The following CDH2 variants were observed in gnomAD, a reference collection of about 807,000 sequenced individuals.
CDH2 encodes cadherin-2.
A neutral mutation model predicts 92.0 loss-of-function variants in CDH2; 17 were observed. The ratio of observed to expected loss-of-function variants is 0.18; its 90% CI spans 0.13 to 0.28. The LOEUF (loss-of-function observed/expected upper bound fraction) is 0.28. Ranked by LOEUF, CDH2 falls within the 10% of genes least tolerant of loss-of-function variation. The probability of loss-of-function intolerance (pLI) is 1.00; values close to 1 mark genes in which losing one functional copy is unlikely to be tolerated. For synonymous variants in CDH2, 419 were observed against 415.9 expected (o/e 1.01, Z -0.09); for missense variants, 862 against 1,133.1 (o/e 0.76, Z 3.44).
intron 2 of CDH2, among the ~76,000 whole-genome samples, chr18:28,129,346 T>C (rs1026546105): frequency 1.3e-5 from 2 of 152,224 alleles, no homozygotes; most frequent in Non-Finnish European, 2.9e-5. Flanking sequence ...ATCTATAATA[T>C]AAGCCATCAC....
intron 15 of CDH2, among the ~76,000 whole-genome samples, chr18:27,962,514 A>G (rs2143885108): frequency 6.6e-6 from 1 of 152,334 alleles, no homozygotes; most frequent in South Asian, 2.1e-4. Context: ...GCCATATCCA[A>G]CAGATGCATT....
intron 1 of CDH2, among the ~76,000 whole-genome samples, chr18:28,175,495 G>C (rs1568027826): frequency 6.6e-6 from 1 of 152,178 alleles, no homozygotes; most frequent in African/African-American, 2.4e-5. Context: ...CAGGCGTGCC[G>C]CACCATGGCG....
At position 28,175,002 on chromosome 18, in the gene CDH2, T is replaced by C. The variant is rs186973559; in HGVS notation, c.60+1961A>G. Among the ~76,000 whole-genome samples the C allele has an allele frequency of 4.9e-3, 746 of 152,340 alleles. 2 individuals carry two copies. Among genetic ancestry groups the C allele is most frequent in the Non-Finnish European group, 8.7e-3 (594 of 68,024 alleles). ...TAATACACAGGAGTCTTTAAGTTTG[T>C]CTTGCCTTCCATTTAACTTCAAATA... On this transcript the variant is annotated intron_variant, in intron 1 of 15. Coordinates refer to ENST00000269141, the MANE Select transcript of CDH2 (RefSeq NM_001792.5).
intron 2 of CDH2, among the ~76,000 whole-genome samples, chr18:28,026,911 T>C (rs1429902102): frequency 6.6e-6 from 1 of 152,168 alleles, no homozygotes; most frequent in Admixed American, 6.6e-5. Flanking sequence ...ACATTAAGCA[T>C]GACGACATGT....
chr18:27,991,559 T>G (rs954334443), intron 9 of CDH2, among the ~76,000 whole-genome samples: 11 of 152,212 alleles, frequency 7.2e-5, no homozygotes, highest in Admixed American at 7.2e-4. Flanking sequence ...CTTTAATGTG[T>G]ATGAAGCTCA....
At chr18:28,144,191 C>T (rs1307526543) in intron 2 of CDH2, among the ~76,000 whole-genome samples, 3 of 151,160 alleles carry the variant, frequency 2.0e-5, no homozygotes, top group African/African-American at 4.9e-5. Flanking sequence ...TATATAATCA[C>T]GGGAAAAGCC....
chr18:28,078,561 C>T (rs1015196725), intron 2 of CDH2, among the ~76,000 whole-genome samples: 1 of 152,018 alleles, frequency 6.6e-6, no homozygotes, highest in Admixed American at 6.6e-5. Flanking sequence ...GTGGCAGTGT[C>T]GGCTCTTCCT....
At chr18:27,984,910 C>T in intron 13 of CDH2, 90 bp downstream of exon 13, 1 of 949,078 alleles carries the variant, frequency 1.1e-6, no homozygotes, top group Non-Finnish European at 1.6e-6. Flanking sequence ...GGTTGTTAGA[C>T]TACTTTGCCA....
rs189620634 is a variant in CDH2, at chr18:28,136,614, G to A, written c.172+11059C>T. ...AGTATCTGTTTTAGATGATGGTAATGTCTACCCAAAGACATAAAGTAGACT... is the reference window on the plus strand; with the variant it reads ...AGTATCTGTTTTAGATGATGGTAATATCTACCCAAAGACATAAAGTAGACT... On this transcript the variant is annotated intron_variant, in intron 2 of 15. Transcript: ENST00000269141. Among the ~76,000 whole-genome samples the A allele has an allele frequency of 2.0e-5, 3 of 152,222 alleles. No homozygotes were observed. The East Asian group carries it at 5.8e-4, about 29-fold the overall frequency.
At chr18:28,062,370 T>G (rs917641216) in intron 2 of CDH2, among the ~76,000 whole-genome samples, 4 of 152,236 alleles carry the variant, frequency 2.6e-5, no homozygotes, top group African/African-American at 9.6e-5. Flanking sequence ...CTTCTTCAAC[T>G]AATTAAGTAG....
intron 2 of CDH2, among the ~76,000 whole-genome samples, chr18:28,121,821 G>T (rs1240550260): frequency 6.6e-6 from 1 of 152,058 alleles, no homozygotes; most frequent in Non-Finnish European, 1.5e-5. Flanking sequence ...GTGATACTTT[G>T]CCTGGGTTTT....
intron 2 of CDH2, among the ~76,000 whole-genome samples, chr18:28,123,359 G>A (rs886445868): frequency 5.9e-5 from 9 of 152,110 alleles, no homozygotes; most frequent in Non-Finnish European, 1.3e-4. Flanking sequence ...ACCTGCAGGC[G>A]TAGTTTCATA....
At chr18:28,141,633 C>T (rs1002275550) in intron 2 of CDH2, among the ~76,000 whole-genome samples, 1 of 152,004 alleles carries the variant, frequency 6.6e-6, no homozygotes, top group African/African-American at 2.4e-5. Context: ...AGCCTCCTAC[C>T]TGGTCTCCCC....
At chr18:27,985,480 C>T (rs2012200106) in intron 12 of CDH2, 48 bp downstream of exon 12, 3 of 1,272,342 alleles carry the variant, frequency 2.4e-6, no homozygotes, top group Non-Finnish European at 3.4e-6. Context: ...TGCCAGGCTT[C>T]AAAATCTCTC....
At chr18:28,127,489 G>A (rs986249339) in intron 2 of CDH2, among the ~76,000 whole-genome samples, 2 of 151,962 alleles carry the variant, frequency 1.3e-5, no homozygotes, top group African/African-American at 4.8e-5. Context: ...TTATCGTGGC[G>A]CAATGGTCAA....
At chr18:28,104,385 T>G (rs2015286990) in intron 2 of CDH2, among the ~76,000 whole-genome samples, 1 of 152,130 alleles carries the variant, frequency 6.6e-6, no homozygotes, top group South Asian at 2.1e-4. Flanking sequence ...TGTTGATATC[T>G]TGAAATCAAG....
chr18:28,094,350 T>A (rs2015087909), intron 2 of CDH2, among the ~76,000 whole-genome samples: 1 of 151,670 alleles, frequency 6.6e-6, no homozygotes, highest in Admixed American at 6.6e-5. Context: ...TAGCCAGGCA[T>A]GGTGGTGCAA....
chr18:28,038,906 T>G (rs2013893600), intron 2 of CDH2, among the ~76,000 whole-genome samples: 1 of 152,178 alleles, frequency 6.6e-6, no homozygotes, highest in Non-Finnish European at 1.5e-5. Flanking sequence ...TGCAAATTAC[T>G]GTCATCACAA....
chr18:28,011,807 T>C (rs765591601), intron 4 of CDH2, 39 bp downstream of exon 4: 1 of 1,591,856 alleles, frequency 6.3e-7, no homozygotes, highest in Admixed American at 1.7e-5. Context: ...CATACATTTG[T>C]CTTGTGGTAT....
Sources: allele counts gnomAD v4.1 joint callset (sites outside exome capture counted in the v4.1 genomes callset), GRCh38; gene constraint gnomAD v4.1.1; transcripts MANE v1.5; gene names NCBI Gene and HGNC (gene_info 2026-07-23, HGNC 2026-07-21).